The following UNC80 variants were observed in gnomAD, a reference collection of about 807,000 sequenced individuals.
UNC80 encodes the protein protein unc-80 homolog.
UNC80 carries 164 observed loss-of-function variants against 384.6 expected under a neutral mutation model. The ratio of observed to expected loss-of-function variants is 0.43; its 90% CI spans 0.38 to 0.49. The LOEUF is 0.49. Ranked by LOEUF, UNC80 falls within the 20% of genes least tolerant of loss-of-function variation. UNC80 has a pLI of 0.00. For synonymous variants in UNC80, 1,486 were observed against 1,527.8 expected, an observed-to-expected ratio of 0.97 and a Z score of 0.64; for missense variants, 3,330 against 4,143.0, an observed-to-expected ratio of 0.80 and a Z score of 5.39.
chr2:209,871,888 A>G (rs12329303), intron 22 of UNC80, among the ~76,000 whole-genome samples: 26,615 of 150,236 alleles, frequency 0.18, 3,284 homozygotes, highest in African/African-American at 0.35. Context: ...TCTATCATTT[A>G]TCAATTAATC....
At position 209,777,493 on chromosome 2, in the gene UNC80, C is replaced by G. The variant is rs756186287; in HGVS notation, c.534C>G (p.Phe178Leu). The G allele has an allele frequency of 6.2e-7, 1 of 1,614,182 alleles. No homozygotes were observed. The highest frequency in any genetic ancestry group is 1.3e-5 in the African/African-American group (1 of 75,044). Residue 178 changes from phenylalanine to leucine, a missense_variant, in exon 4 of 65, where the codon TTC becomes TTG. Physicochemically the swap from Phe to Leu is conservative, Grantham distance 22. Around this residue, in one of 8 missense-constraint regions of UNC80, gnomAD observed 937 missense variants for 1,026.8 expected, o/e 0.91. Coordinates refer to ENST00000673920, the MANE Select transcript of UNC80 (RefSeq NM_001371986.1). ...DEEENNRRKI[F>L]QNSMATVELF... is the part of the protein sequence containing the mutation. ...AAGAGAACAACCGAAGAAAGATCTT[C>G]CAGAACTCCATGGCTACTGTGGAGC... is the stretch of plus-strand genomic sequence containing the variant.
rs187522703 is a variant in UNC80 at position 209,984,777 on chromosome 2, A to T, written c.9258-79A>T. On this transcript the variant is annotated intron_variant, in intron 60 of 64. Coordinates refer to ENST00000673920, the MANE Select transcript of UNC80 (RefSeq NM_001371986.1). ...TATTTTTGGTTCTTGGAAGCAGAAAATTGCATGCCTTTTTTCTTTTTTCTT... is the reference window on the plus strand; with the variant it reads ...TATTTTTGGTTCTTGGAAGCAGAAATTTGCATGCCTTTTTTCTTTTTTCTT... 3.1e-5 allele frequency: 43 copies of T among 1,366,652 alleles called. No individual in the cohort carries two copies. In the East Asian group the frequency reaches 7.4e-4, roughly 24 times the overall value. 84.7% of individuals were successfully genotyped at this position (1,366,652 alleles called of 1,614,324 possible).
Position 209,820,563 on chromosome 2 carries a change from G to A in UNC80, c.2215G>A (p.Asp739Asn). Reference protein sequence around the residue: ...FGGPAVSGAGDGGGEEGGGGD... With the variant: ...FGGPAVSGAGNGGGEEGGGGD... ...AGGCCCTGCTGTTAGTGGAGCTGGA[G>A]ATGGTGGAGGAGAAGAAGGAGGAGG... Residue 739 changes from aspartate (D) to asparagine (N), a missense_variant, in exon 13 of 65, where the codon GAT (aspartate) becomes AAT (asparagine). Transcript: ENST00000673920. 6.4e-7 allele frequency: 1 copy of A among 1,551,680 alleles called. No individual in the cohort carries two copies. The highest frequency in any genetic ancestry group is 8.7e-7 in the Non-Finnish European group (1 of 1,146,994).
At position 209,918,673 on chromosome 2, in the gene UNC80, A is replaced by G. The variant is rs745671214; in HGVS notation, c.5343+10A>G. 5.2e-6 allele frequency: 8 copies of G among 1,541,566 alleles called. No homozygotes were observed. In the South Asian group the frequency reaches 8.5e-5, roughly 16 times the overall value. ...TAATGAAGACCAGTCTGTGAGTAAC[A>G]GACACTTCCAGGTTCCATGGTGTAC... On this transcript the variant is annotated intron_variant, in intron 33 of 64. Coordinates refer to ENST00000673920, the MANE Select transcript of UNC80 (RefSeq NM_001371986.1).
intron 22 of UNC80, among the ~76,000 whole-genome samples, chr2:209,861,482 C>G (rs572082076): frequency 6.6e-6 from 1 of 151,922 alleles, no homozygotes; most frequent in East Asian, 1.9e-4. Context: ...CACAGATGTT[C>G]ATCAGGCTCA....
intron 26 of UNC80, among the ~76,000 whole-genome samples, chr2:209,893,504 A>C (rs1559279553): frequency 6.6e-6 from 1 of 152,118 alleles, no homozygotes; most frequent in Admixed American, 6.6e-5. Context: ...GTATGCATAG[A>C]CTGTTTTAAG....
chr2:209,857,936 ATAT>A (rs2083056578), intron 22 of UNC80, among the ~76,000 whole-genome samples: 1 of 152,310 alleles, frequency 6.6e-6, no homozygotes, highest in African/African-American at 2.4e-5. Flanking sequence ...ATGACCTAAA[ATAT>A]TATCAGTTTT....
intron 14 of UNC80, 80 bp downstream of exon 14, chr2:209,826,133 G>T: frequency 7.3e-7 from 1 of 1,367,790 alleles, no homozygotes; most frequent in South Asian, 1.6e-5. Context: ...GACAATGAGG[G>T]TCAGTGTTCC....
At chr2:209,934,427 A>G (rs13392528) in intron 39 of UNC80, among the ~76,000 whole-genome samples, 17 of 152,194 alleles carry the variant, frequency 1.1e-4, no homozygotes, top group Admixed American at 2.0e-4. Flanking sequence ...GGAAAGCAGG[A>G]AGAAGGAGCA....
intron 13 of UNC80, among the ~76,000 whole-genome samples, chr2:209,825,296 T>C (rs2080432772): frequency 6.6e-6 from 1 of 152,160 alleles, no homozygotes; most frequent in Non-Finnish European, 1.5e-5. Flanking sequence ...TGATATCAAT[T>C]CTCATGATTC....
At chr2:209,914,010 A>G in intron 31 of UNC80, 70 bp downstream of exon 31, 1 of 1,466,250 alleles carries the variant, frequency 6.8e-7, no homozygotes, top group Admixed American at 2.5e-5. Context: ...TTTAAATAAG[A>G]GAGGTGTTTC....
At chr2:209,961,775 G>T (rs1176811471) in intron 51 of UNC80, among the ~76,000 whole-genome samples, 3 of 152,034 alleles carry the variant, frequency 2.0e-5, no homozygotes, top group Non-Finnish European at 4.4e-5. Context: ...AGGGGCCAAG[G>T]GAAAATTTCC....
At chr2:209,825,874 G>A (rs1396337307) in intron 13 of UNC80, 33 bp from the exon 14 acceptor site, 1 of 1,499,016 alleles carries the variant, frequency 6.7e-7, no homozygotes, top group East Asian at 2.6e-5. Context: ...AAAGTAAACA[G>A]ACTTTTCTTT....
Position 209,933,899 on chromosome 2 carries a change from G to A in UNC80, c.6072G>A (p.Leu2024=). The A allele has an allele frequency of 1.3e-6, 2 of 1,551,334 alleles. No individual in the cohort carries two copies. Among genetic ancestry groups the A allele is most frequent in the Non-Finnish European group, 1.7e-6 (2 of 1,146,854 alleles). Residue 2024 remains leucine (L), a synonymous_variant, in exon 39 of 65, where the codon CTG becomes CTA. Coordinates refer to ENST00000673920, the MANE Select transcript of UNC80 (RefSeq NM_001371986.1). ...CCATTTCAGCCACCCTGACATTCCT[G>A]TGGGAGGTGGTGGGTTACGTGGAGG... ...MDAISATLTF[L]WEVVGYVEGL...
intron 33 of UNC80, among the ~76,000 whole-genome samples, chr2:209,920,975 G>A (rs960764439): frequency 5.9e-5 from 9 of 151,938 alleles, no homozygotes; most frequent in Admixed American, 1.3e-4. Context: ...TTACAGGCTT[G>A]CGCCACCACG....
In UNC80 at chr2:209,957,722, T is replaced by C. The variant is rs1451236261; in HGVS notation, c.7536T>C (p.Ser2512=). ...CCACAGCCAATCACACCATGTCGTC[T>C]GGGGTGAACACCAGGTAATTCACTG... is the stretch of plus-strand genomic sequence containing the variant. ...GTTTANHTMS[S]GVNTRYQEQG... is the part of the protein sequence containing the mutation. The change falls in exon 49 of 65, where the codon TCT becomes TCC. Residue 2512 remains serine (S), a synonymous_variant. Coordinates refer to ENST00000673920, the MANE Select transcript of UNC80 (RefSeq NM_001371986.1). The C allele has an allele frequency of 5.8e-6, 9 of 1,551,408 alleles. No homozygotes were observed. The highest frequency in any genetic ancestry group is 7.8e-6 in the Non-Finnish European group (9 of 1,146,864).
intron 51 of UNC80, among the ~76,000 whole-genome samples, chr2:209,965,359 T>G (rs976012866): frequency 6.6e-6 from 1 of 152,180 alleles, no homozygotes. Flanking sequence ...ATGGGTATTT[T>G]GGGGCTTACT....
intron 63 of UNC80, 100 bp from the exon 64 acceptor site, chr2:209,993,965 A>T (rs917714311): frequency 6.6e-6 from 7 of 1,065,974 alleles, no homozygotes; most frequent in Non-Finnish European, 9.1e-6. Flanking sequence ...TTTTTATTTT[A>T]AAAAATCCCC....
intron 33 of UNC80, among the ~76,000 whole-genome samples, chr2:209,919,020 A>G (rs1292497978): frequency 6.6e-6 from 1 of 152,204 alleles, no homozygotes; most frequent in Non-Finnish European, 1.5e-5. Flanking sequence ...GCCCTGAAAA[A>G]AATAAGAAAA....
Sources: allele counts gnomAD v4.1 joint callset (sites outside exome capture counted in the v4.1 genomes callset), GRCh38; gene constraint gnomAD v4.1.1; regional missense constraint gnomAD v4.1.1; transcripts MANE v1.5; gene names NCBI Gene and HGNC (gene_info 2026-07-23, HGNC 2026-07-21).